The following ADAMTS3 variants were observed in gnomAD, a reference collection of about 807,000 sequenced individuals.
ADAMTS3 encodes ADAM metallopeptidase with thrombospondin type 1 motif 3.
ADAMTS3 carries 73 observed loss-of-function variants against 129.0 expected under a neutral mutation model. That is an observed-to-expected ratio of 0.57 (90% CI 0.47 to 0.69). The LOEUF is 0.69. Among genes scored for constraint, ADAMTS3 ranks in the 30% least tolerant of loss-of-function variants. ADAMTS3 has a pLI of 0.00. For synonymous variants in ADAMTS3, 477 were observed against 510.8 expected (o/e 0.93, Z 0.89); for missense variants, 1,457 against 1,514.5 (o/e 0.96, Z 0.63).
chr4:72,312,098 T>A (rs1357914809), intron 13 of ADAMTS3, 193 bp downstream of exon 13: 2 of 554,886 alleles, frequency 3.6e-6, no homozygotes, highest in African/African-American at 3.7e-5. Flanking sequence ...CAGGAACTAT[T>A]GCACCATTCT....
chr4:72,487,256 T>A (rs1363374274), intron 3 of ADAMTS3, among the ~76,000 whole-genome samples: 1 of 151,996 alleles, frequency 6.6e-6, no homozygotes, highest in Non-Finnish European at 1.5e-5. Flanking sequence ...GGAAAACAAA[T>A]AAGTAGAAGA....
At position 72,283,650 on chromosome 4, in the gene ADAMTS3, C is replaced by T. The variant is rs777583366; in HGVS notation, c.3104G>A (p.Arg1035Gln). ...SIFCQMEVLA[R>Q]YCSIPGYNKL... Reference sequence around the variant, plus strand: ...GTTATAACCTGGTATGGAGCAGTATCGTGCCAACACTTCCATTTGACAGAA... The same window carrying T: ...GTTATAACCTGGTATGGAGCAGTATTGTGCCAACACTTCCATTTGACAGAA... The change falls in exon 22 of 22, where the codon CGA (arginine) becomes CAA (glutamine). Residue 1035 changes from arginine to glutamine, a missense_variant. Physicochemically the swap from Arg to Gln is conservative, Grantham distance 43. Transcript: ENST00000286657. 99 of 1,612,062 alleles carry T rather than the reference C, an allele frequency of 6.1e-5. No individual in the cohort carries two copies. Among genetic ancestry groups the T allele is most frequent in the East Asian group, 2.0e-4 (9 of 44,818 alleles).
At chr4:72,512,532 G>T (rs1432878620) in intron 3 of ADAMTS3, among the ~76,000 whole-genome samples, 1 of 152,078 alleles carries the variant, frequency 6.6e-6, no homozygotes, top group African/African-American at 2.4e-5. Flanking sequence ...CTTACTATTT[G>T]ATAGCATAGC....
At chr4:72,433,244 T>C (rs1246116297) in intron 3 of ADAMTS3, among the ~76,000 whole-genome samples, 1 of 151,948 alleles carries the variant, frequency 6.6e-6, no homozygotes, top group African/African-American at 2.4e-5. Context: ...AGCTCAGTAG[T>C]CATGGCAAAT....
chr4:72,350,605 T>C (rs1450465835), intron 4 of ADAMTS3, among the ~76,000 whole-genome samples: 1 of 151,964 alleles, frequency 6.6e-6, no homozygotes, highest in Non-Finnish European at 1.5e-5. Flanking sequence ...GTTTGTTCCT[T>C]TCGGGTCTTG....
chr4:72,509,830 G>T (rs1720266286), intron 3 of ADAMTS3, among the ~76,000 whole-genome samples: 1 of 151,074 alleles, frequency 6.6e-6, no homozygotes, highest in South Asian at 2.1e-4. Flanking sequence ...CTACAGGTGA[G>T]TATGTCTGAT....
intron 3 of ADAMTS3, among the ~76,000 whole-genome samples, chr4:72,477,603 T>C (rs909720012): frequency 4.0e-5 from 6 of 151,750 alleles, no homozygotes; most frequent in African/African-American, 1.2e-4. Flanking sequence ...AGATCCAAAA[T>C]TGACACCCTA....
chr4:72,494,090 T>C (rs1479544753), intron 3 of ADAMTS3, among the ~76,000 whole-genome samples: 1 of 152,192 alleles, frequency 6.6e-6, no homozygotes, highest in African/African-American at 2.4e-5. Flanking sequence ...ACTTTACAGC[T>C]TTCATGAACT....
At chr4:72,295,823 T>C in intron 18 of ADAMTS3, 37 bp from the exon 19 acceptor site, 1 of 1,594,576 alleles carries the variant, frequency 6.3e-7, no homozygotes, top group Non-Finnish European at 8.5e-7. Flanking sequence ...ATTTAATCAC[T>C]TCTTCATGCT....
intron 4 of ADAMTS3, among the ~76,000 whole-genome samples, chr4:72,392,988 C>T (rs1274933365): frequency 6.7e-6 from 1 of 150,084 alleles, no homozygotes; most frequent in Non-Finnish European, 1.5e-5. Flanking sequence ...TGCAATGGCG[C>T]AATCTCAGCT....
Position 72,318,554 on chromosome 4 carries a change from C to A in ADAMTS3, c.1485+18G>T. On this transcript the variant is annotated intron_variant, in intron 10 of 21. Transcript: ENST00000286657. ...AGATTTCGAGCTGCAAAATCTACAT[C>A]AACTGTGAGCAACATACCGCGGTGC... The A allele has an allele frequency of 1.9e-6, 3 of 1,610,444 alleles. No individual in the cohort carries two copies. The highest frequency in any genetic ancestry group is 2.5e-6 in the Non-Finnish European group (3 of 1,178,072).
chr4:72,419,832 A>T (rs1330736765), intron 3 of ADAMTS3, among the ~76,000 whole-genome samples: 1 of 152,142 alleles, frequency 6.6e-6, no homozygotes, highest in African/African-American at 2.4e-5. Context: ...GAGGACTATT[A>T]GTACTATCTT....
In ADAMTS3 at chr4:72,401,617, G is replaced by A. The variant is rs76184189; in HGVS notation, c.661+13198C>T. Among the ~76,000 whole-genome samples, 855 of 144,922 alleles carry A rather than the reference G, an allele frequency of 5.9e-3. 15 individuals carry two copies. The highest frequency in any genetic ancestry group is 0.021 in the African/African-American group (818 of 39,692). The stretch of plus-strand genomic sequence containing the variant: ...AAGAAAAAAAAAGAGTGAAAGAAAG[G>A]AAGAAAGAAAGAAAATATGCTACAA... On this transcript the variant is annotated intron_variant, in intron 4 of 21. Coordinates refer to ENST00000286657, the MANE Select transcript of ADAMTS3 (RefSeq NM_014243.3).
At chr4:72,290,814 C>G (rs1210551912) in intron 20 of ADAMTS3, 41 bp downstream of exon 20, 5 of 1,586,886 alleles carry the variant, frequency 3.2e-6, no homozygotes, top group Non-Finnish European at 4.3e-6. Flanking sequence ...CATGCTTACA[C>G]ACACACTTTA....
chr4:72,454,142 A>G (rs1718481385), intron 3 of ADAMTS3, among the ~76,000 whole-genome samples: 1 of 151,522 alleles, frequency 6.6e-6, no homozygotes, highest in Non-Finnish European at 1.5e-5. Context: ...TCTATATTTC[A>G]AACTCAAAAG....
At chr4:72,319,141 T>C (rs756962254) in intron 9 of ADAMTS3, among the ~76,000 whole-genome samples, 191 bp downstream of exon 9, 5 of 152,200 alleles carry the variant, frequency 3.3e-5, no homozygotes, top group Non-Finnish European at 2.9e-5. Context: ...ACTTATATTC[T>C]AGACTTATGG....
intron 3 of ADAMTS3, among the ~76,000 whole-genome samples, chr4:72,427,020 T>C (rs1262229301): frequency 3.3e-5 from 5 of 152,170 alleles, no homozygotes; most frequent in Non-Finnish European, 7.4e-5. Context: ...TGTTTTTCTA[T>C]TGCTGCCATA....
At chr4:72,378,583 A>C (rs1440476094) in intron 4 of ADAMTS3, among the ~76,000 whole-genome samples, 1 of 152,184 alleles carries the variant, frequency 6.6e-6, no homozygotes, top group Non-Finnish European at 1.5e-5. Context: ...TGCTGATAGA[A>C]TATAAGTGCT....
chr4:72,399,044 C>T (rs1053508095), intron 4 of ADAMTS3, among the ~76,000 whole-genome samples: 1 of 152,196 alleles, frequency 6.6e-6, no homozygotes, highest in Non-Finnish European at 1.5e-5. Context: ...TTTTCACCTT[C>T]CCTAAAAATT....
Sources: allele counts gnomAD v4.1 joint callset (sites outside exome capture counted in the v4.1 genomes callset), GRCh38; gene constraint gnomAD v4.1.1; transcripts MANE v1.5; gene names NCBI Gene and HGNC (gene_info 2026-07-23, HGNC 2026-07-21).